CSNK1G3: variants seen among roughly 807,000 people sequenced by gnomAD.
CSNK1G3 encodes casein kinase 1 gamma 3, also known as casein kinase I isoform gamma-3.
In CSNK1G3, 23 loss-of-function variants were observed where a neutral mutation model predicts 64.3. The ratio of observed to expected loss-of-function variants is 0.36; its 90% CI spans 0.26 to 0.51. The LOEUF (loss-of-function observed/expected upper bound fraction) is 0.51, where lower values mean the gene tolerates loss of function less well. CSNK1G3 is among the 20% of genes least tolerant of loss of function. The pLI is 0.96. For missense variants in CSNK1G3, 357 were observed against 510.5 expected, an observed-to-expected ratio of 0.70 and a Z score of 2.90; for synonymous variants, 158 against 162.2, an observed-to-expected ratio of 0.97 and a Z score of 0.20.
At chr5:123,548,158 T>G (rs1168137025) in intron 2 of CSNK1G3, among the ~76,000 whole-genome samples, 1 of 152,108 alleles carries the variant, frequency 6.6e-6, no homozygotes, top group Non-Finnish European at 1.5e-5. Flanking sequence ...GCAGGGCATT[T>G]AAAACTTGAG....
rs556414583 is a variant in CSNK1G3, at chr5:123,547,449, C to CTG, written c.178+1624_178+1625dup. Among the ~76,000 whole-genome samples the CTG allele has an allele frequency of 1.8e-3, 264 of 150,516 alleles. 1 individual carries two copies. The highest frequency in any genetic ancestry group is 5.1e-3 in the African/African-American group (209 of 41,204). Reference sequence around the variant, plus strand: ...ACGGCACATGTATATAGGTATGTGTCTGTGTGTGTGTGTGTGTATTCACAC... The same window carrying CTG: ...ACGGCACATGTATATAGGTATGTGTCTGTGTGTGTGTGTGTGTGTATTCACAC... On this transcript the variant is annotated intron_variant, in intron 2 of 12. Coordinates refer to ENST00000345990, the Ensembl canonical transcript of CSNK1G3.
exon 13 of CSNK1G3, chr5:123,615,751 A>G (rs1749347663): frequency 6.6e-6 from 1 of 152,226 alleles, no homozygotes; most frequent in Non-Finnish European, 1.5e-5. Flanking sequence ...GGCTAGAAAG[A>G]TAATTATTTT....
At chr5:123,537,331 A>ATTCT in intron 1 of CSNK1G3, among the ~76,000 whole-genome samples, 1 of 152,264 alleles carries the variant, frequency 6.6e-6, no homozygotes, top group South Asian at 2.1e-4. Flanking sequence ...TAGGAACAGA[A>ATTCT]AGTCAGATAT....
intron 6 of CSNK1G3, among the ~76,000 whole-genome samples, chr5:123,580,854 A>T (rs1790105687): frequency 6.6e-6 from 1 of 151,898 alleles, no homozygotes; most frequent in South Asian, 2.1e-4. Flanking sequence ...TTCAAGAATA[A>T]AAAAACTAGG....
At chr5:123,546,382 A>G (rs1782521828) in intron 2 of CSNK1G3, among the ~76,000 whole-genome samples, 1 of 152,070 alleles carries the variant, frequency 6.6e-6, no homozygotes, top group African/African-American at 2.4e-5. Context: ...GATTCAGGTT[A>G]TTATAATTAG....
intron 10 of CSNK1G3, among the ~76,000 whole-genome samples, chr5:123,591,907 G>T (rs751231304): frequency 7.9e-5 from 12 of 151,934 alleles, no homozygotes; most frequent in Non-Finnish European, 1.8e-4. Flanking sequence ...GCTTGACCCT[G>T]GGCAAATAAG....
At chr5:123,541,279 A>G (rs1781633297) in intron 1 of CSNK1G3, among the ~76,000 whole-genome samples, 1 of 152,162 alleles carries the variant, frequency 6.6e-6, no homozygotes, top group Admixed American at 6.5e-5. Flanking sequence ...ATCATTATGA[A>G]ATGCACCTCT....
At chr5:123,570,575 C>T (rs977697696) in intron 4 of CSNK1G3, among the ~76,000 whole-genome samples, 6 of 152,018 alleles carry the variant, frequency 3.9e-5, no homozygotes, top group East Asian at 1.9e-4. Flanking sequence ...AGGCTGGTTT[C>T]GAACTCCTGA....
intron 1 of CSNK1G3, among the ~76,000 whole-genome samples, chr5:123,525,414 A>G (rs549491981): frequency 6.6e-6 from 1 of 150,984 alleles, no homozygotes; most frequent in East Asian, 2.0e-4. Context: ...GGGTTCAAGC[A>G]CTTCTTCTGT....
chr5:123,609,263 T>A (rs1057398959), intron 12 of CSNK1G3, among the ~76,000 whole-genome samples: 2 of 152,278 alleles, frequency 1.3e-5, no homozygotes, highest in African/African-American at 4.8e-5. Context: ...TATGATCAGG[T>A]TGATCCTTAG....
intron 6 of CSNK1G3, among the ~76,000 whole-genome samples, chr5:123,584,404 C>G (rs1389182472): frequency 6.6e-6 from 1 of 152,120 alleles, no homozygotes; most frequent in Non-Finnish European, 1.5e-5. Flanking sequence ...TTTTCTGTAT[C>G]TGAGATGACA....
chr5:123,608,881 AT>A (rs1464626843), intron 12 of CSNK1G3, among the ~76,000 whole-genome samples: 1 of 152,186 alleles, frequency 6.6e-6, no homozygotes, highest in East Asian at 1.9e-4. Context: ...GTATTACATG[AT>A]TAGCACTATA....
intron 10 of CSNK1G3, among the ~76,000 whole-genome samples, chr5:123,594,779 G>A (rs1793110998): frequency 1.3e-5 from 2 of 152,140 alleles, no homozygotes; most frequent in African/African-American, 4.8e-5. Context: ...AGAGGGTAGA[G>A]TCTGTGATTT....
chr5:123,513,454 T>TGTTG (rs1314858725), intron 1 of CSNK1G3, among the ~76,000 whole-genome samples: 9 of 152,168 alleles, frequency 5.9e-5, no homozygotes, highest in African/African-American at 2.2e-4. Flanking sequence ...AGACAGCTAC[T>TGTTG]GTTGATACAC....
intron 1 of CSNK1G3, among the ~76,000 whole-genome samples, chr5:123,537,463 T>G (rs1308441408): frequency 1.3e-5 from 2 of 151,940 alleles, no homozygotes; most frequent in Admixed American, 6.6e-5. Flanking sequence ...GATGAGAAAC[T>G]AATTAGTGGG....
intron 4 of CSNK1G3, among the ~76,000 whole-genome samples, chr5:123,559,977 G>T (rs1785366005): frequency 6.6e-6 from 1 of 151,942 alleles, no homozygotes; most frequent in African/African-American, 2.4e-5. Context: ...TTTAAAAATA[G>T]ATATATTTAA....
intron 10 of CSNK1G3, among the ~76,000 whole-genome samples, chr5:123,596,767 G>C (rs530736237): frequency 2.0e-5 from 3 of 152,106 alleles, no homozygotes; most frequent in Admixed American, 6.6e-5. Context: ...TAGGTTTCTA[G>C]TAATATGGAA....
chr5:123,544,631 G>A (rs923072338), intron 1 of CSNK1G3, among the ~76,000 whole-genome samples: 3 of 152,140 alleles, frequency 2.0e-5, no homozygotes, highest in African/African-American at 7.2e-5. Context: ...CAGAATTAAG[G>A]TACATTTGAT....
chr5:123,568,033 A>G (rs1787277144), intron 4 of CSNK1G3, among the ~76,000 whole-genome samples: 1 of 152,194 alleles, frequency 6.6e-6, no homozygotes, highest in African/African-American at 2.4e-5. Flanking sequence ...GTTGGTTGGC[A>G]AGAGGTCAGG....
Sources: gnomAD v4.1 joint callset for allele counts (sites outside exome capture counted in the v4.1 genomes callset) on GRCh38, gnomAD v4.1.1 for gene constraint, MANE v1.5 for transcripts, NCBI Gene and HGNC (gene_info 2026-07-23, HGNC 2026-07-21) for gene names.